Variants in KIF3C observed in about 807,000 individuals in gnomAD.
The protein encoded by KIF3C is kinesin family member 3C, also known as kinesin-like protein KIF3C.
A neutral mutation model predicts 67.7 loss-of-function variants in KIF3C; 12 were observed. The ratio of observed to expected loss-of-function variants is 0.18; its 90% CI spans 0.11 to 0.29. The LOEUF (loss-of-function observed/expected upper bound fraction) is 0.29. KIF3C is among the 10% of genes least tolerant of loss of function. The pLI is 1.00. For missense variants in KIF3C, 789 were observed against 1,059.6 expected, an observed-to-expected ratio of 0.74 and a Z score of 3.55; for synonymous variants, 393 against 426.2, an observed-to-expected ratio of 0.92 and a Z score of 0.96.
At chr2:25,966,112 C>CTT (rs1182845191) in intron 1 of KIF3C, among the ~76,000 whole-genome samples, 1 of 145,290 alleles carries the variant, frequency 6.9e-6, no homozygotes, top group Non-Finnish European at 1.5e-5. Context: ...TCTAGATGCT[C>CTT]TTTTTTTTTT....
At chr2:25,977,977 C>T (rs1664459487) in intron 1 of KIF3C, among the ~76,000 whole-genome samples, 1 of 152,156 alleles carries the variant, frequency 6.6e-6, no homozygotes, top group Non-Finnish European at 1.5e-5. Context: ...GCACTCCTCC[C>T]CCTTTGCTTC....
intron 1 of KIF3C, among the ~76,000 whole-genome samples, chr2:25,971,728 G>A (rs1664288029): frequency 6.6e-6 from 1 of 152,010 alleles, no homozygotes; most frequent in East Asian, 1.9e-4. Context: ...TTTTTTGTGA[G>A]TTGGGGTCTC....
At chr2:25,930,299 A>T (rs975592770) in intron 5 of KIF3C, among the ~76,000 whole-genome samples, 16 of 152,190 alleles carry the variant, frequency 1.1e-4, no homozygotes, top group African/African-American at 3.9e-4. Context: ...AGGCAAGTAC[A>T]GTACAATCAG....
Position 25,950,167 on chromosome 2 carries a change from C to T in KIF3C, c.2006+1622G>A, listed in dbSNP as rs186109736. 9.0e-3 allele frequency among the ~76,000 whole-genome samples: 1,372 copies of T among 151,656 alleles called. 2 individuals are homozygous for T. Among genetic ancestry groups the T allele is most frequent in the Non-Finnish European group, 0.015 (994 of 67,904 alleles). ...TCGGCCTCCCAAAATGCTGGGATTA[C>T]AGGATTACAGGCATGAGCCACCATG... On this transcript the variant is annotated intron_variant, in intron 5 of 7. Coordinates refer to ENST00000264712, the MANE Select transcript of KIF3C (RefSeq NM_002254.8).
At position 25,951,838 on chromosome 2, in the gene KIF3C, C is replaced by G. The variant is rs756764225; in HGVS notation, c.1957G>C (p.Asp653His). 1 of 1,614,086 alleles carries G rather than the reference C, an allele frequency of 6.2e-7. No homozygotes were observed. The highest frequency in any genetic ancestry group is 1.7e-5 in the Admixed American group (1 of 60,018). The change falls in exon 5 of 8, where the codon GAC becomes CAC. Residue 653 changes from aspartate to histidine, a missense_variant. By Grantham distance (81) the Asp-to-His change is moderately conservative. Around this residue, in one of 2 missense-constraint regions of KIF3C, gnomAD observed 648 missense variants for 807.8 expected, o/e 0.80. Coordinates refer to ENST00000264712, the MANE Select transcript of KIF3C (RefSeq NM_002254.8). ...KNKIMNRLFL[D>H]CEEEQWKFQP... is the part of the protein sequence containing the mutation. ...AACTTCCACTGCTCCTCCTCACAGT[C>G]CAGGAAAAGCCGGTTCATGATCTTG... is the stretch of plus-strand genomic sequence containing the variant.
At chr2:25,954,645 T>G (rs1423807929) in intron 3 of KIF3C, among the ~76,000 whole-genome samples, 1 of 152,196 alleles carries the variant, frequency 6.6e-6, no homozygotes, top group African/African-American at 2.4e-5. Context: ...TCGTGGAATG[T>G]TCAAACGGGA....
At chr2:25,930,662 C>G (rs1207788390) in intron 5 of KIF3C, among the ~76,000 whole-genome samples, 1 of 152,144 alleles carries the variant, frequency 6.6e-6, no homozygotes, top group Non-Finnish European at 1.5e-5. Context: ...CTCAGCCTCC[C>G]GAGTAGCTTG....
chr2:25,951,620 C>T (rs763644756), intron 5 of KIF3C, 169 bp downstream of exon 5: 3 of 576,566 alleles, frequency 5.2e-6, no homozygotes, highest in African/African-American at 1.9e-5. Flanking sequence ...CATAGAGACC[C>T]CTACAATTAG....
In KIF3C at chr2:25,929,370, C is replaced by T. The variant is rs1387874402; in HGVS notation, c.2223G>A (p.Arg741=). 21 of 1,614,020 alleles carry T rather than the reference C, an allele frequency of 1.3e-5. No homozygotes were observed. The highest frequency in any genetic ancestry group is 1.7e-5 in the Non-Finnish European group (20 of 1,180,012). Reference sequence around the variant, plus strand: ...CCAGAAAGCTGTCCAATCGCATGAGCCTCTCCATGTGTAGCGCACGAGGGT... The same window carrying T: ...CCAGAAAGCTGTCCAATCGCATGAGTCTCTCCATGTGTAGCGCACGAGGGT... ...EQDPRALHME[R]LMRLDSFLER... Residue 741 remains arginine, a synonymous_variant, in exon 7 of 8, where the codon AGG becomes AGA. Coordinates refer to ENST00000264712, the MANE Select transcript of KIF3C (RefSeq NM_002254.8).
intron 5 of KIF3C, among the ~76,000 whole-genome samples, chr2:25,942,315 G>A (rs966756694): frequency 1.3e-5 from 2 of 151,914 alleles, no homozygotes; most frequent in Non-Finnish European, 2.9e-5. Context: ...CTGAGATCAC[G>A]CCATTGCACT....
In KIF3C at chr2:25,926,633, A is replaced by G. The variant is rs1061485; in HGVS notation, c.*2345T>C. On this transcript the variant is annotated 3_prime_UTR_variant, in exon 8 of 8. Transcript: ENST00000264712. ...TACTCATTCCTTTATTGTCAACTGC[A>G]TTGATTGGAACAGGGCTGGGGCCTG... is the stretch of plus-strand genomic sequence containing the variant. The G allele has an allele frequency of 0.63, 95,672 of 152,122 alleles. 31,535 individuals are homozygous for G. Among genetic ancestry groups the G allele is most frequent in the Non-Finnish European group, 0.74 (50,243 of 68,002 alleles). The allele number at this position is 152,122 out of a possible 1,614,324, so 9.4% of individuals were successfully genotyped here. A position where few individuals can be genotyped will look rare whatever the true frequency, so the allele number is the denominator to read the frequency against.
intron 1 of KIF3C, among the ~76,000 whole-genome samples, chr2:25,967,873 G>A (rs953839449): frequency 1.3e-5 from 2 of 152,014 alleles, no homozygotes; most frequent in Admixed American, 6.6e-5. Flanking sequence ...AACAACCAGC[G>A]AGTTTGAGAA....
chr2:25,972,831 C>G (rs1664314894), intron 1 of KIF3C, among the ~76,000 whole-genome samples: 1 of 152,164 alleles, frequency 6.6e-6, no homozygotes, highest in African/African-American at 2.4e-5. Flanking sequence ...TTTACCCACT[C>G]TACCTCCCCA....
intron 4 of KIF3C, among the ~76,000 whole-genome samples, chr2:25,953,506 G>T (rs140103768): frequency 1.3e-5 from 2 of 148,618 alleles, no homozygotes; most frequent in African/African-American, 4.9e-5. Context: ...GACTACAGGC[G>T]CCCGCCACCA....
chr2:25,954,198 G>T, intron 4 of KIF3C, 69 bp downstream of exon 4: 1 of 1,104,550 alleles, frequency 9.1e-7, no homozygotes, highest in Non-Finnish European at 1.4e-6. Flanking sequence ...TGAGGCCTTA[G>T]GGGAGGAGAG....
chr2:25,930,541 T>C (rs964131949), intron 5 of KIF3C, among the ~76,000 whole-genome samples: 6 of 152,160 alleles, frequency 3.9e-5, no homozygotes, highest in Admixed American at 3.9e-4. Context: ...CTTTATTTTA[T>C]TTTTTCTTTT....
chr2:25,971,322 C>G (rs1485090494), intron 1 of KIF3C, among the ~76,000 whole-genome samples: 1 of 150,980 alleles, frequency 6.6e-6, no homozygotes, highest in Non-Finnish European at 1.5e-5. Flanking sequence ...CACCTGTAGT[C>G]CCAGCTACTC....
chr2:25,929,090 A>G lies in KIF3C; in HGVS notation c.2289-19T>C. On this transcript the variant is annotated intron_variant, in intron 7 of 7. Coordinates refer to ENST00000264712, the MANE Select transcript of KIF3C (RefSeq NM_002254.8). Reference sequence around the variant, plus strand: ...CTGGCACCTGCAGGGGAGATGACGCAGGCGAAAGGGGAGGTTAGGGAAATA... The same window carrying G: ...CTGGCACCTGCAGGGGAGATGACGCGGGCGAAAGGGGAGGTTAGGGAAATA... The G allele has an allele frequency of 1.2e-6, 2 of 1,604,246 alleles. No individual in the cohort carries two copies. The highest frequency in any genetic ancestry group is 1.7e-6 in the Non-Finnish European group (2 of 1,171,742).
In KIF3C at chr2:25,927,236, G is replaced by A. The variant is rs1009882258; in HGVS notation, c.*1742C>T. On this transcript the variant is annotated 3_prime_UTR_variant, in exon 8 of 8. Coordinates refer to ENST00000264712, the MANE Select transcript of KIF3C (RefSeq NM_002254.8). ...GATACGTGCTGCTTTGTCCACAAAC[G>A]AGAAAGAGGTCAGTGGGAGAGGCTG... The A allele has an allele frequency of 5.9e-5, 9 of 152,660 alleles. No individual in the cohort carries two copies. The highest frequency in any genetic ancestry group is 1.9e-4 in the African/African-American group (8 of 41,448). 9.5% of individuals were successfully genotyped at this position (152,660 alleles called of 1,614,324 possible). A position where few individuals can be genotyped will look rare whatever the true frequency, so the allele number is the denominator to read the frequency against.
Sources: gnomAD v4.1 joint callset for allele counts (sites outside exome capture counted in the v4.1 genomes callset) on GRCh38, gnomAD v4.1.1 for gene constraint, gnomAD v4.1.1 regional missense constraint, MANE v1.5 for transcripts, NCBI Gene and HGNC (gene_info 2026-07-23, HGNC 2026-07-21) for gene names.